Variants in GGT5 observed in about 807,000 individuals in gnomAD.
GGT5 encodes gamma-glutamyltransferase 5.
Under a neutral mutation model 58.1 loss-of-function variants are expected in GGT5, and 50 were observed. The ratio of observed to expected loss-of-function variants is 0.86; its 90% confidence interval spans 0.69 to 1.09. GGT5 has a LOEUF of 1.09. Among genes scored for constraint, GGT5 ranks in the 50% least tolerant of loss-of-function variants. The pLI, the probability that GGT5 is intolerant of heterozygous loss-of-function variation, is 0.00. For missense variants in GGT5, 800 were observed against 789.4 expected, an observed-to-expected ratio of 1.01 and a Z score of -0.16; for synonymous variants, 370 against 346.1, an observed-to-expected ratio of 1.07 and a Z score of -0.77.
intron 11 of GGT5, among the ~76,000 whole-genome samples, chr22:24,222,318 C>A (rs577912273): frequency 1.2e-4 from 19 of 152,312 alleles, no homozygotes; most frequent in Admixed American, 3.9e-4. Context: ...GCTGACAGGG[C>A]AAATGAGGTC....
chr22:24,232,277 A>C, intron 4 of GGT5, 69 bp from the exon 5 acceptor site: 1 of 914,838 alleles, frequency 1.1e-6, no homozygotes, highest in East Asian at 2.7e-5. Flanking sequence ...CGGGGCTCTC[A>C]TGGGTGGAGT....
At chr22:24,220,795 G>A in intron 11 of GGT5, 2 of 402,962 alleles carry the variant, frequency 5.0e-6, no homozygotes, top group Non-Finnish European at 9.8e-6. Flanking sequence ...ACTTTGGGAG[G>A]CCGGCGCAGG....
At chr22:24,224,702 G>C (rs2047698022) in intron 11 of GGT5, among the ~76,000 whole-genome samples, 1 of 152,182 alleles carries the variant, frequency 6.6e-6, no homozygotes, top group Non-Finnish European at 1.5e-5. Flanking sequence ...CCCCAGCCAG[G>C]AAAACTCACT....
Position 24,224,992 on chromosome 22 carries a change from T to C in GGT5, c.1614+4A>G, listed in dbSNP as rs1394248810. On this transcript the variant is annotated splice_donor_region_variant and intron_variant, in intron 11 of 11. Transcript: ENST00000327365. ...TAGGCATCCAGCTCGGACCTCAGCC[T>C]CACCTGGCTGAAGTTGGGCTCGTAC... 2 of 1,567,088 alleles carry C rather than the reference T, an allele frequency of 1.3e-6. No individual in the cohort carries two copies. The highest frequency in any genetic ancestry group is 1.2e-5 in the South Asian group (1 of 86,558).
Position 24,226,086 on chromosome 22 carries a change from T to C in GGT5, c.1219A>G (p.Ile407Val). The change falls in exon 8 of 12, where the codon ATC (isoleucine) becomes GTC (valine). Residue 407 changes from isoleucine to valine, a missense_variant. Coordinates refer to ENST00000327365, the MANE Select transcript of GGT5 (RefSeq NM_004121.5). ...CCAGGCCCTACGCACGGTGTGTTGA[T>C]GGTGCTGGTGGCAGCCACGGCGCTG... ...DGSAVAATST[I>V]NTPFGAMVYS... 3.1e-6 allele frequency: 5 copies of C among 1,597,356 alleles called. No individual in the cohort carries two copies. The highest frequency in any genetic ancestry group is 4.3e-6 in the Non-Finnish European group (5 of 1,170,452).
At chr22:24,227,199 C>G (rs2047794406) in intron 6 of GGT5, among the ~76,000 whole-genome samples, 1 of 152,152 alleles carries the variant, frequency 6.6e-6, no homozygotes, top group Non-Finnish European at 1.5e-5. Flanking sequence ...ATCTGCCTGC[C>G]TTGGCCTCCC....
At chr22:24,231,293 C>G in intron 6 of GGT5, 91 bp downstream of exon 6, 1 of 814,056 alleles carries the variant, frequency 1.2e-6, no homozygotes, top group Non-Finnish European at 1.9e-6. Flanking sequence ...TGAGCTGGGC[C>G]TTGGCTGGGC....
At chr22:24,236,208 G>A (rs980797828) in intron 1 of GGT5, among the ~76,000 whole-genome samples, 1 of 152,140 alleles carries the variant, frequency 6.6e-6, no homozygotes, top group African/African-American at 2.4e-5. Flanking sequence ...CCGTCCCTGC[G>A]AAATGGCTCC....
intron 11 of GGT5, among the ~76,000 whole-genome samples, chr22:24,224,047 G>A (rs368430723): frequency 1.3e-5 from 2 of 151,848 alleles, no homozygotes; most frequent in African/African-American, 4.8e-5. Context: ...ACAGGCATGA[G>A]CCACCATGCC....
rs1386956400 is a variant in GGT5 at position 24,226,095 on chromosome 22, T to TA, written c.1209_1210insT (p.Thr404TyrfsTer109). 6.2e-7 allele frequency: 1 copy of TA among 1,602,268 alleles called. No individual in the cohort carries two copies. The highest frequency in any genetic ancestry group is 2.2e-5 in the East Asian group (1 of 44,618). ...ACGCACGGTGTGTTGATGGTGCTGG[T>TA]GGCAGCCACGGCGCTGCCATCCTCC... On this transcript the variant is annotated frameshift_variant, in exon 8 of 12. Transcript: ENST00000327365. LOFTEE classifies it high-confidence loss of function.
intron 1 of GGT5, among the ~76,000 whole-genome samples, chr22:24,238,864 TAATATATATA>T (rs2048218341): frequency 2.0e-4 from 2 of 9,812 alleles, no homozygotes; most frequent in African/African-American, 6.1e-4. Flanking sequence ...ATTATATATA[TAATATATATA>T]ATATATATTA....
At chr22:24,232,378 G>A (rs1169941576) in intron 4 of GGT5, among the ~76,000 whole-genome samples, 170 bp from the exon 5 acceptor site, 2 of 152,166 alleles carry the variant, frequency 1.3e-5, no homozygotes, top group Non-Finnish European at 2.9e-5. Context: ...GAGGTGGTGG[G>A]ACTGACACCA....
rs1260978541 is a variant in GGT5 at position 24,244,524 on chromosome 22, C to T, written c.173+29G>A. 1.9e-6 allele frequency: 3 copies of T among 1,599,888 alleles called. No individual in the cohort carries two copies. In the African/African-American group the frequency reaches 4.0e-5, roughly 21 times the overall value. ...CCAGGAGGGGCTGGCTGCCAAGGGCCACCCAGCTTCCTCCCACGTCTCACT... is the reference window on the plus strand; with the variant it reads ...CCAGGAGGGGCTGGCTGCCAAGGGCTACCCAGCTTCCTCCCACGTCTCACT... On this transcript the variant is annotated intron_variant, in intron 1 of 11. Transcript: ENST00000327365.
chr22:24,233,408 T>G (rs1018362683), intron 3 of GGT5, 90 bp downstream of exon 3: 2 of 725,364 alleles, frequency 2.8e-6, no homozygotes, highest in Admixed American at 2.5e-5. Flanking sequence ...AGTCACAGCC[T>G]GTCCGTGAGG....
At chr22:24,230,322 C>T (rs1466395866) in intron 6 of GGT5, among the ~76,000 whole-genome samples, 2 of 149,976 alleles carry the variant, frequency 1.3e-5, no homozygotes, top group African/African-American at 2.5e-5. Flanking sequence ...GAGCTGAGAT[C>T]GTGCCATTGC....
chr22:24,227,255 T>C, intron 6 of GGT5, among the ~76,000 whole-genome samples: 1 of 151,874 alleles, frequency 6.6e-6, no homozygotes, highest in Admixed American at 6.6e-5. Flanking sequence ...CCGCCTTTTT[T>C]GTGTTTTTTG....
At chr22:24,232,641 C>T (rs892971139) in intron 4 of GGT5, among the ~76,000 whole-genome samples, 182 bp downstream of exon 4, 4 of 152,264 alleles carry the variant, frequency 2.6e-5, no homozygotes, top group South Asian at 4.1e-4. Context: ...GCAGCCTAAC[C>T]CCAAGTTAGG....
chr22:24,238,842 TATATTATATATATTATA>T (rs2048210750), intron 1 of GGT5, among the ~76,000 whole-genome samples: 2 of 13,208 alleles, frequency 1.5e-4, no homozygotes, highest in Non-Finnish European at 2.3e-4. Flanking sequence ...TTTATATATA[TATATTATATATATTATA>T]TATATAATAT....
intron 11 of GGT5, among the ~76,000 whole-genome samples, chr22:24,222,782 A>G (rs575294299): frequency 7.3e-4 from 111 of 152,378 alleles, no homozygotes; most frequent in South Asian, 3.7e-3. Context: ...CCTTCAGTCA[A>G]GAGTCAAGGG....
Sources: gnomAD v4.1 joint callset for allele counts (sites outside exome capture counted in the v4.1 genomes callset) on GRCh38, gnomAD v4.1.1 for gene constraint, MANE v1.5 for transcripts, NCBI Gene and HGNC (gene_info 2026-07-23, HGNC 2026-07-21) for gene names.